Variants in ADGRF5 observed in about 807,000 individuals in gnomAD.
The protein encoded by ADGRF5 is adhesion G protein-coupled receptor F5.
Under a neutral mutation model 132.3 loss-of-function variants are expected in ADGRF5, and 75 were observed. That is an observed-to-expected ratio of 0.57 (90% CI 0.47 to 0.69). The LOEUF is 0.69. Among genes scored for constraint, ADGRF5 ranks in the 30% least tolerant of loss-of-function variants. ADGRF5 has a pLI of 0.00. For missense variants in ADGRF5, 1,516 were observed against 1,630.6 expected (o/e 0.93, Z 1.21); for synonymous variants, 629 against 597.6 (o/e 1.05, Z -0.77).
chr6:46,938,676 C>T (rs1430511785), intron 1 of ADGRF5, among the ~76,000 whole-genome samples: 1 of 152,128 alleles, frequency 6.6e-6, no homozygotes, highest in Non-Finnish European at 1.5e-5. Context: ...CTTCTGGGTT[C>T]CCCCTGTGAG....
chr6:46,893,709 T>C (rs1254121589), intron 3 of ADGRF5, among the ~76,000 whole-genome samples: 2 of 152,186 alleles, frequency 1.3e-5, no homozygotes, highest in Non-Finnish European at 2.9e-5. Flanking sequence ...TGTGTTTTCT[T>C]TGCCCCTGGC....
chr6:46,936,403 C>A (rs943245906), intron 1 of ADGRF5, among the ~76,000 whole-genome samples: 2 of 152,208 alleles, frequency 1.3e-5, no homozygotes, highest in African/African-American at 4.8e-5. Flanking sequence ...GCCTGCCAAA[C>A]CTGCCTTCCT....
At chr6:46,928,308 T>G (rs1470069473) in intron 1 of ADGRF5, among the ~76,000 whole-genome samples, 1 of 152,202 alleles carries the variant, frequency 6.6e-6, no homozygotes, top group African/African-American at 2.4e-5. Flanking sequence ...TGTGTGGCTC[T>G]AGGTTGGTGC....
chr6:46,858,915 G>T lies in ADGRF5; in HGVS notation c.2988C>A (p.Leu996=). 1 of 1,614,006 alleles carries T rather than the reference G, an allele frequency of 6.2e-7. No homozygotes were observed. ...ICDHLTSFSI[L]MSPDSPDPSS... ...TAGGATCTGGGGAGTCAGGGGACAT[G>T]AGGATGGAGAATGATGTTAGGTGGT... The change falls in exon 17 of 21, where the codon CTC becomes CTA. Residue 996 remains leucine (L), a synonymous_variant. Coordinates refer to ENST00000283296, the MANE Select transcript of ADGRF5 (RefSeq NM_001098518.2).
chr6:46,903,121 C>A (rs748271215), intron 2 of ADGRF5, among the ~76,000 whole-genome samples: 1 of 152,174 alleles, frequency 6.6e-6, no homozygotes, highest in Non-Finnish European at 1.5e-5. Flanking sequence ...GCCTTACCAT[C>A]CTGAGTCCTC....
chr6:46,903,276 G>A (rs1774961324), intron 2 of ADGRF5, among the ~76,000 whole-genome samples: 1 of 152,148 alleles, frequency 6.6e-6, no homozygotes, highest in African/African-American at 2.4e-5. Flanking sequence ...CAAGAAAACA[G>A]AGCTTCCAAT....
chr6:46,925,131 A>G (rs1453949685), upstream of ADGRF5, among the ~76,000 whole-genome samples: 1 of 152,202 alleles, frequency 6.6e-6, no homozygotes, highest in Non-Finnish European at 1.5e-5. Context: ...CATGATCTGC[A>G]CCACCTTCTC....
chr6:46,927,656 C>A (rs748121985), intron 1 of ADGRF5, among the ~76,000 whole-genome samples: 1 of 152,172 alleles, frequency 6.6e-6, no homozygotes, highest in Admixed American at 6.5e-5. Context: ...ACATCTGACG[C>A]AAGCCAGCAA....
chr6:46,865,144 A>C lies in ADGRF5; in HGVS notation c.1888T>G (p.Ser630Ala). ...ACAGTTTTTGAACACCAGGAAACTG[A>C]GCTTGCATTGAAATTGTGTTTGTAG... ...VCYKHNFNASSVSWCSKTVDV... is the reference protein window; with the variant it reads ...VCYKHNFNASAVSWCSKTVDV... Residue 630 changes from serine (S) to alanine (A), a missense_variant, in exon 14 of 21, where the codon TCA becomes GCA. Physicochemically the swap from Ser to Ala is moderately conservative, Grantham distance 99 (BLOSUM62 1). This residue lies in a region of ADGRF5 where 945 missense variants were observed against 929.4 expected (regional missense o/e 1.02). Coordinates refer to ENST00000283296, the MANE Select transcript of ADGRF5 (RefSeq NM_001098518.2). 1 of 1,611,924 alleles carries C rather than the reference A, an allele frequency of 6.2e-7. No homozygotes were observed. Among genetic ancestry groups the C allele is most frequent in the Admixed American group, 1.7e-5 (1 of 60,016 alleles).
chr6:46,922,129 A>C (rs2150927292), upstream of ADGRF5, among the ~76,000 whole-genome samples: 1 of 152,338 alleles, frequency 6.6e-6, no homozygotes, highest in African/African-American at 2.4e-5. Flanking sequence ...TCTCCAAAGA[A>C]AAAAATCAGA....
intron 8 of ADGRF5, among the ~76,000 whole-genome samples, chr6:46,880,539 T>A (rs1224778874): frequency 6.6e-6 from 1 of 152,130 alleles, no homozygotes; most frequent in East Asian, 1.9e-4. Flanking sequence ...AATAAGAATT[T>A]CCTAATACTC....
intron 10 of ADGRF5, among the ~76,000 whole-genome samples, chr6:46,877,318 C>CTTCCTTCCTTCT (rs1771884702): frequency 9.3e-5 from 2 of 21,604 alleles, no homozygotes; most frequent in Non-Finnish European, 1.9e-4. Flanking sequence ...TCCTTCCTTC[C>CTTCCTTCCTTCT]TTCCTTCTTT....
rs1212303717 is a variant in ADGRF5, at chr6:46,859,251, G to T, written c.2652C>A (p.Asp884Glu). The T allele has an allele frequency of 1.9e-6, 3 of 1,614,104 alleles. No homozygotes were observed. In the East Asian group the frequency reaches 6.7e-5, roughly 36 times the overall value. ...ACTGCAAGTTTTCTAGATAGCTCTTGTCAATGACCACATTGCCCCAGAGGT... is the reference window on the plus strand; with the variant it reads ...ACTGCAAGTTTTCTAGATAGCTCTTTTCAATGACCACATTGCCCCAGAGGT... The part of the protein sequence containing the change: ...YFDLWGNVVI[D>E]KSYLENLQSD... The change falls in exon 17 of 21, where the codon GAC becomes GAA. Residue 884 changes from aspartate to glutamate, a missense_variant. Asp to Glu is a conservative substitution (Grantham distance 45, BLOSUM62 2). This residue lies in a region of ADGRF5 where 571 missense variants were observed against 701.2 expected (regional missense o/e 0.81). Transcript: ENST00000283296.
At chr6:46,919,207 C>T (rs1243176464) in intron 1 of ADGRF5, among the ~76,000 whole-genome samples, 1 of 152,178 alleles carries the variant, frequency 6.6e-6, no homozygotes. Flanking sequence ...CTCTATTCCA[C>T]ATGACTTTTA....
At chr6:46,922,396 G>A (rs1358400716), upstream of ADGRF5, among the ~76,000 whole-genome samples, 2 of 152,180 alleles carry the variant, frequency 1.3e-5, no homozygotes, top group Non-Finnish European at 2.9e-5. Flanking sequence ...ATGCCATATT[G>A]GAGGGACGTC....
intron 1 of ADGRF5, among the ~76,000 whole-genome samples, chr6:46,917,562 T>C (rs172696): frequency 0.42 from 64,177 of 152,078 alleles, 14,188 homozygotes; most frequent in East Asian, 0.48. Context: ...AACAACTAAA[T>C]GGGTTAACAA....
chr6:46,872,070 C>T (rs1379904864), intron 10 of ADGRF5, 57 bp from the exon 11 acceptor site: 9 of 1,182,910 alleles, frequency 7.6e-6, no homozygotes, highest in Non-Finnish European at 1.1e-5. Context: ...TATTTAGTAG[C>T]AAAGAGGTCA....
chr6:46,857,707 A>G (rs628782), intron 17 of ADGRF5, among the ~76,000 whole-genome samples: 86,866 of 152,024 alleles, frequency 0.57, 28,743 homozygotes, highest in Non-Finnish European at 0.74. Flanking sequence ...ATTTCATTCA[A>G]ATGATTATTG....
chr6:46,869,370 A>C (rs1770804650), intron 11 of ADGRF5: 1 of 985,338 alleles, frequency 1.0e-6, no homozygotes, highest in African/African-American at 1.7e-5. Flanking sequence ...TTATCTCCTG[A>C]TGATCAGCAG....
Sources: allele counts gnomAD v4.1 joint callset (sites outside exome capture counted in the v4.1 genomes callset), GRCh38; gene constraint gnomAD v4.1.1; regional missense constraint gnomAD v4.1.1; transcripts MANE v1.5; gene names NCBI Gene and HGNC (gene_info 2026-07-23, HGNC 2026-07-21).